The following SBF2 variants were observed in gnomAD, a reference collection of about 807,000 sequenced individuals.
The protein encoded by SBF2 is SET binding factor 2.
Under a neutral mutation model 225.2 loss-of-function variants are expected in SBF2, and 112 were observed. The ratio of observed to expected loss-of-function variants is 0.50; its 90% CI spans 0.43 to 0.58. SBF2 has a LOEUF of 0.58. Ranked by LOEUF, SBF2 falls within the 20% of genes least tolerant of loss-of-function variation. The pLI is 0.00. For synonymous variants in SBF2, 763 were observed against 773.3 expected, an observed-to-expected ratio of 0.99 and a Z score of 0.22; for missense variants, 1,996 against 2,206.2, an observed-to-expected ratio of 0.90 and a Z score of 1.91.
chr11:9,953,107 G>A (rs934454415), intron 16 of SBF2, among the ~76,000 whole-genome samples: 3 of 152,192 alleles, frequency 2.0e-5, no homozygotes, highest in East Asian at 3.8e-4. Context: ...GCAAAAATGC[G>A]GAGCCAACCC....
intron 2 of SBF2, among the ~76,000 whole-genome samples, chr11:10,099,574 G>A (rs372523993): frequency 2.6e-5 from 4 of 152,194 alleles, no homozygotes; most frequent in South Asian, 4.1e-4. Flanking sequence ...ACACTATAAC[G>A]ATGATACACA....
intron 2 of SBF2, among the ~76,000 whole-genome samples, chr11:10,126,123 C>G (rs564396475): frequency 6.6e-6 from 1 of 152,212 alleles, no homozygotes; most frequent in South Asian, 2.1e-4. Flanking sequence ...CATTCTGATA[C>G]TTTATATTTT....
At chr11:9,876,516 C>T (rs1334269692) in intron 17 of SBF2, among the ~76,000 whole-genome samples, 2 of 152,142 alleles carry the variant, frequency 1.3e-5, no homozygotes, top group South Asian at 4.1e-4. Flanking sequence ...TGTTCTTGCT[C>T]TTGCTCTCTC....
intron 13 of SBF2, among the ~76,000 whole-genome samples, chr11:9,970,408 T>C (rs1488498789): frequency 6.6e-6 from 1 of 152,072 alleles, no homozygotes; most frequent in Non-Finnish European, 1.5e-5. Context: ...GGTTTCACTG[T>C]GTTAGCCAGG....
chr11:10,170,911 T>A (rs1270353192), intron 2 of SBF2, among the ~76,000 whole-genome samples: 1 of 152,150 alleles, frequency 6.6e-6, no homozygotes, highest in Non-Finnish European at 1.5e-5. Context: ...CTACTGTAAA[T>A]GAGATTACTT....
At chr11:10,060,143 C>T (rs967211121) in intron 2 of SBF2, among the ~76,000 whole-genome samples, 2 of 151,782 alleles carry the variant, frequency 1.3e-5, no homozygotes, top group Non-Finnish European at 2.9e-5. Context: ...AGACTAATTA[C>T]GAAGAAAAGA....
At chr11:10,029,117 C>G (rs1259572063) in intron 5 of SBF2, among the ~76,000 whole-genome samples, 1 of 152,062 alleles carries the variant, frequency 6.6e-6, no homozygotes, top group Non-Finnish European at 1.5e-5. Context: ...TGTCCTCTTT[C>G]CCAATATTAT....
At chr11:9,828,034 A>G (rs1855168330) in intron 28 of SBF2, 11 of 686,606 alleles carry the variant, frequency 1.6e-5, no homozygotes, top group Non-Finnish European at 2.1e-5. Flanking sequence ...TTTGAATCAT[A>G]ATTAATTGAT....
intron 6 of SBF2, among the ~76,000 whole-genome samples, chr11:10,017,514 C>T (rs1051799880): frequency 6.6e-6 from 1 of 151,832 alleles, no homozygotes; most frequent in Admixed American, 6.6e-5. Context: ...AGACAATATC[C>T]TTAACTTCAT....
At chr11:9,866,428 T>C (rs1858228244) in intron 17 of SBF2, among the ~76,000 whole-genome samples, 1 of 152,206 alleles carries the variant, frequency 6.6e-6, no homozygotes, top group South Asian at 2.1e-4. Context: ...AATCTATGTA[T>C]GCATAGCCAA....
At chr11:10,080,153 CAGG>C (rs1478896038) in intron 2 of SBF2, among the ~76,000 whole-genome samples, 1 of 146,450 alleles carries the variant, frequency 6.8e-6, no homozygotes, top group African/African-American at 2.5e-5. Context: ...AAGGCTGAGG[CAGG>C]AGAATTGCTT....
At chr11:10,058,617 C>T (rs1950332740) in intron 2 of SBF2, among the ~76,000 whole-genome samples, 1 of 152,102 alleles carries the variant, frequency 6.6e-6, no homozygotes, top group South Asian at 2.1e-4. Context: ...GAAAACTTCC[C>T]CAACCTTGTT....
chr11:10,198,649 T>C (rs1323619781), intron 1 of SBF2, among the ~76,000 whole-genome samples: 1 of 152,258 alleles, frequency 6.6e-6, no homozygotes, highest in African/African-American at 2.4e-5. Context: ...AAATCCTAGA[T>C]GGCATCTTCT....
chr11:9,861,004 T>C (rs1183677791), intron 17 of SBF2, among the ~76,000 whole-genome samples: 1 of 152,224 alleles, frequency 6.6e-6, no homozygotes, highest in Non-Finnish European at 1.5e-5. Flanking sequence ...CTTGGCACAT[T>C]TGAGTTGACA....
chr11:10,226,765 T>C (rs1217449047), intron 1 of SBF2, among the ~76,000 whole-genome samples: 5 of 152,194 alleles, frequency 3.3e-5, no homozygotes, highest in African/African-American at 9.7e-5. Flanking sequence ...GTCTTTGCTA[T>C]TGTGAATAGT....
chr11:10,193,829 A>AAATTATT, intron 2 of SBF2, 73 bp downstream of exon 2: 2 of 1,008,248 alleles, frequency 2.0e-6, no homozygotes, highest in Admixed American at 3.4e-5. Context: ...CAAATGTAAC[A>AAATTATT]TAAATGTAAA....
At chr11:10,229,402 T>C (rs901423831) in intron 1 of SBF2, among the ~76,000 whole-genome samples, 3 of 152,222 alleles carry the variant, frequency 2.0e-5, no homozygotes, top group Non-Finnish European at 2.9e-5. Context: ...TTAATTGTGA[T>C]GTTAGGGTGT....
At chr11:9,871,503 ATTATT>A (rs1337772810) in intron 17 of SBF2, among the ~76,000 whole-genome samples, 1 of 145,962 alleles carries the variant, frequency 6.9e-6, no homozygotes, top group Non-Finnish European at 1.5e-5. Flanking sequence ...TATTATTATT[ATTATT>A]TTGAGATGAG....
rs188167647 is a variant in SBF2, at chr11:10,027,914, C to T, written c.619+538G>A. On this transcript the variant is annotated intron_variant, in intron 6 of 39. Coordinates refer to ENST00000256190, the MANE Select transcript of SBF2 (RefSeq NM_030962.4). The stretch of plus-strand genomic sequence containing the variant: ...GGAAATGCAAAATATATCATCTATT[C>T]ATCTTTTAGCATAAAGAAAATATGT... 3.9e-3 allele frequency among the ~76,000 whole-genome samples: 598 copies of T among 152,216 alleles called. 7 individuals carry two copies. The highest frequency in any genetic ancestry group is 3.4e-3 in the Middle Eastern group (1 of 294).
Sources: allele counts gnomAD v4.1 joint callset (sites outside exome capture counted in the v4.1 genomes callset), GRCh38; gene constraint gnomAD v4.1.1; transcripts MANE v1.5; gene names NCBI Gene and HGNC (gene_info 2026-07-23, HGNC 2026-07-21).